Variants in PAX5 observed in about 807,000 individuals in gnomAD.
The protein encoded by PAX5 is paired box protein Pax-5.
PAX5 carries 9 observed loss-of-function variants against 43.7 expected under a neutral mutation model. The observed-to-expected ratio is 0.21, with a 90% confidence interval of 0.12 to 0.36. The LOEUF is 0.36. Ranked by LOEUF, PAX5 falls within the 10% of genes least tolerant of loss-of-function variation. The pLI, the probability that PAX5 is intolerant of heterozygous loss-of-function variation, is 1.00. For synonymous variants in PAX5, 228 were observed against 214.3 expected, an observed-to-expected ratio of 1.06 and a Z score of -0.56; for missense variants, 383 against 532.7, an observed-to-expected ratio of 0.72 and a Z score of 2.77.
Position 36,987,172 on chromosome 9 carries a change from G to C in PAX5, c.604+15476C>G, listed in dbSNP as rs145160952. On this transcript the variant is annotated intron_variant, in intron 5 of 9. Transcript: ENST00000358127. Reference sequence around the variant, plus strand: ...TGCGTGCCTATACGCTGCATTCAGGGAAAGGCGCTGTGGAGGAATAAGAAA... The same window carrying C: ...TGCGTGCCTATACGCTGCATTCAGGCAAAGGCGCTGTGGAGGAATAAGAAA... Among the ~76,000 whole-genome samples the C allele has an allele frequency of 5.6e-4, 85 of 152,346 alleles. 1 individual carries two copies. The highest frequency in any genetic ancestry group is 8.8e-4 in the Non-Finnish European group (60 of 68,038).
intron 1 of PAX5, among the ~76,000 whole-genome samples, chr9:37,024,850 C>G (rs886722031): frequency 1.3e-5 from 2 of 152,174 alleles, no homozygotes; most frequent in Non-Finnish European, 2.9e-5. Flanking sequence ...TCTGGGCCAC[C>G]GAGCGCTGGG....
intron 1 of PAX5, among the ~76,000 whole-genome samples, chr9:37,025,337 C>T (rs1840234733): frequency 6.6e-6 from 1 of 152,258 alleles, no homozygotes; most frequent in Non-Finnish European, 1.5e-5. Flanking sequence ...CCCCGGGAAG[C>T]TCACCTTCAC....
chr9:37,024,538 G>T (rs1464954253), intron 1 of PAX5, among the ~76,000 whole-genome samples: 1 of 152,120 alleles, frequency 6.6e-6, no homozygotes, highest in Non-Finnish European at 1.5e-5. Flanking sequence ...CCCAGAGCAG[G>T]CCTACATTGT....
intron 6 of PAX5, among the ~76,000 whole-genome samples, chr9:36,952,004 T>C (rs975206687): frequency 6.6e-6 from 1 of 152,170 alleles, no homozygotes; most frequent in African/African-American, 2.4e-5. Flanking sequence ...CAATCTTACA[T>C]ATTATTATTG....
rs544751179 is a variant in PAX5 at position 36,975,906 on chromosome 9, T to C, written c.605-9182A>G. On this transcript the variant is annotated intron_variant, in intron 5 of 9. Transcript: ENST00000358127. ...GCTGAGGGCAGAGCCCATGTCCCAT[T>C]TACCTCAAGCATAGGAGATGCTAAT... Among the ~76,000 whole-genome samples the C allele has an allele frequency of 2.0e-5, 3 of 152,372 alleles. No homozygotes were observed. The South Asian group carries it at 6.2e-4, about 32-fold the overall frequency.
At chr9:36,950,286 G>A (rs971775179) in intron 6 of PAX5, among the ~76,000 whole-genome samples, 2 of 152,194 alleles carry the variant, frequency 1.3e-5, no homozygotes, top group African/African-American at 4.8e-5. Context: ...GCTGGACTAT[G>A]TGATGATCTT....
Position 36,864,370 on chromosome 9 carries a change from C to A in PAX5, c.1013-17441G>T, listed in dbSNP as rs187150150. ...TTCCAGGAGTGGACCTGGACAGAGA[C>A]GGTCCAGGTATGGGGGAGGGCGAGG... On this transcript the variant is annotated intron_variant, in intron 8 of 9. Coordinates refer to ENST00000358127, the MANE Select transcript of PAX5 (RefSeq NM_016734.3). The A allele has an allele frequency of 6.6e-3, 1,024 of 154,158 alleles. 11 individuals carry two copies. The highest frequency in any genetic ancestry group is 8.2e-3 in the Non-Finnish European group (557 of 68,324). The allele number at this position is 154,158 out of a possible 1,614,324, so 9.5% of individuals were successfully genotyped here. A position where few individuals can be genotyped will look rare whatever the true frequency, so the allele number is the denominator to read the frequency against.
rs80202819 is a variant in PAX5, at chr9:36,874,129, C to T, written c.1012+7875G>A. Among the ~76,000 whole-genome samples, 864 of 152,318 alleles carry T rather than the reference C, an allele frequency of 5.7e-3. 7 individuals are homozygous for T. The highest frequency in any genetic ancestry group is 0.019 in the African/African-American group (773 of 41,576). ...TCCTCCCCGCTCCAGAACCTCAATA[C>T]CCTTCCTATCTCACACAGGCGGTGT... On this transcript the variant is annotated intron_variant, in intron 8 of 9. Coordinates refer to ENST00000358127, the MANE Select transcript of PAX5 (RefSeq NM_016734.3).
intron 8 of PAX5, among the ~76,000 whole-genome samples, chr9:36,867,987 G>A (rs182240390): frequency 4.8e-4 from 73 of 152,296 alleles, no homozygotes; most frequent in Non-Finnish European, 7.8e-4. Flanking sequence ...CCGCGTTCCC[G>A]GCCCCGGGAG....
chr9:36,890,507 G>A (rs1405594233), intron 7 of PAX5, among the ~76,000 whole-genome samples: 1 of 152,206 alleles, frequency 6.6e-6, no homozygotes, highest in Non-Finnish European at 1.5e-5. Flanking sequence ...GGATTGCTGT[G>A]TGACCTCAGG....
At chr9:36,957,974 G>A (rs1833633278) in intron 6 of PAX5, among the ~76,000 whole-genome samples, 2 of 152,206 alleles carry the variant, frequency 1.3e-5, no homozygotes. Flanking sequence ...CCCTCTGGGT[G>A]GCAGGAGGTC....
intron 2 of PAX5, among the ~76,000 whole-genome samples, chr9:37,020,259 C>T (rs1205623856): frequency 1.3e-5 from 2 of 152,122 alleles, no homozygotes; most frequent in Non-Finnish European, 2.9e-5. Flanking sequence ...GTGGAATATG[C>T]TTCCAAAAAC....
chr9:36,968,932 T>TGCACAC (rs964406163), intron 5 of PAX5, among the ~76,000 whole-genome samples: 4 of 152,160 alleles, frequency 2.6e-5, no homozygotes, highest in African/African-American at 9.6e-5. Context: ...CACACACACA[T>TGCACAC]GCACACGCAC....
chr9:36,848,393 C>G (rs1004357026), intron 8 of PAX5, among the ~76,000 whole-genome samples: 2 of 146,224 alleles, frequency 1.4e-5, no homozygotes, highest in African/African-American at 5.1e-5. Flanking sequence ...TGCTCGCGCT[C>G]CTCCTCGGGC....
At chr9:36,966,934 G>T (rs1834495747) in intron 5 of PAX5, among the ~76,000 whole-genome samples, 1 of 152,176 alleles carries the variant, frequency 6.6e-6, no homozygotes, top group Admixed American at 6.5e-5. Context: ...ATGTGCCAGG[G>T]ACTGTGCAAA....
intron 2 of PAX5, among the ~76,000 whole-genome samples, chr9:37,020,378 T>C (rs1364987650): frequency 6.6e-6 from 1 of 152,062 alleles, no homozygotes; most frequent in African/African-American, 2.4e-5. Flanking sequence ...TACTCTTGAG[T>C]TCTTTAGAAC....
At chr9:36,931,029 CA>C in intron 6 of PAX5, 3 of 475,592 alleles carry the variant, frequency 6.3e-6, no homozygotes, top group South Asian at 4.6e-5. Context: ...GGCAAGGCTG[CA>C]GGGCTGGTCA....
chr9:36,923,252 T>C lies in PAX5; in HGVS notation c.910+103A>G. The C allele has an allele frequency of 5.6e-6, 8 of 1,431,106 alleles. No homozygotes were observed. The South Asian group carries it at 1.1e-4, about 19-fold the overall frequency. 88.7% of individuals were successfully genotyped at this position (1,431,106 alleles called of 1,614,324 possible). A position where few individuals can be genotyped will look rare whatever the true frequency, so the allele number is the denominator to read the frequency against. On this transcript the variant is annotated intron_variant, in intron 7 of 9. Transcript: ENST00000358127. ...CCTCATAACCTTGTTAAAACAAAAT[T>C]GGCCAATCACATCCAAACACACCAA...
chr9:36,986,574 G>A (rs1189793036), intron 5 of PAX5, among the ~76,000 whole-genome samples: 1 of 151,994 alleles, frequency 6.6e-6, no homozygotes, highest in Non-Finnish European at 1.5e-5. Flanking sequence ...CTCCTTCCAC[G>A]TCGCGCAGGA....
Sources: gnomAD v4.1 joint callset for allele counts (sites outside exome capture counted in the v4.1 genomes callset) on GRCh38, gnomAD v4.1.1 for gene constraint, MANE v1.5 for transcripts, NCBI Gene and HGNC (gene_info 2026-07-23, HGNC 2026-07-21) for gene names.